Variants in RAP1A observed in about 807,000 individuals in gnomAD.
RAP1A encodes ras-related protein Rap-1A.
A neutral mutation model predicts 26.4 loss-of-function variants in RAP1A; 6 were observed. The ratio of observed to expected loss-of-function variants is 0.23; its 90% CI spans 0.12 to 0.45. The LOEUF is 0.45. Among genes scored for constraint, RAP1A ranks in the 20% least tolerant of loss-of-function variants. The pLI is 0.99. For synonymous variants in RAP1A, 73 were observed against 79.4 expected, an observed-to-expected ratio of 0.92 and a Z score of 0.43; for missense variants, 121 against 217.2, an observed-to-expected ratio of 0.56 and a Z score of 2.78.
intron 1 of RAP1A, among the ~76,000 whole-genome samples, chr1:111,631,587 C>T (rs1251088681): frequency 6.6e-6 from 1 of 152,060 alleles, no homozygotes; most frequent in Non-Finnish European, 1.5e-5. Flanking sequence ...AGTAAACTTC[C>T]AGAAGAAGGG....
At position 111,638,572 on chromosome 1, in the gene RAP1A, A is replaced by G. The variant is rs551983867; in HGVS notation, c.-28+18638A>G. Among the ~76,000 whole-genome samples the G allele has an allele frequency of 1.9e-3, 282 of 152,232 alleles. 3 individuals are homozygous for G. Among genetic ancestry groups the G allele is most frequent in the Middle Eastern group, 3.4e-3 (1 of 294 alleles). On this transcript the variant is annotated intron_variant, in intron 1 of 7. Coordinates refer to ENST00000369709, the MANE Select transcript of RAP1A (RefSeq NM_002884.4). ...CCTGAGTAGCTGGGACTACAGGCGCATGCCAACATGCCTGGCTAACTTTTT... is the reference window on the plus strand; with the variant it reads ...CCTGAGTAGCTGGGACTACAGGCGCGTGCCAACATGCCTGGCTAACTTTTT...
intron 3 of RAP1A, among the ~76,000 whole-genome samples, chr1:111,695,886 C>A (rs1428615722): frequency 6.6e-6 from 1 of 152,048 alleles, no homozygotes; most frequent in Non-Finnish European, 1.5e-5. Context: ...TAGAATGTAC[C>A]ATGCCAAAAG....
intron 1 of RAP1A, among the ~76,000 whole-genome samples, chr1:111,559,301 A>G (rs973034030): frequency 3.3e-5 from 5 of 152,204 alleles, no homozygotes; most frequent in African/African-American, 1.2e-4. Flanking sequence ...ACAGATTCAA[A>G]GAATTGGAAG....
At chr1:111,584,434 A>G (rs1246963420) in intron 1 of RAP1A, among the ~76,000 whole-genome samples, 3 of 152,166 alleles carry the variant, frequency 2.0e-5, no homozygotes, top group Non-Finnish European at 2.9e-5. Flanking sequence ...CCGGTTCTTC[A>G]TAGATGGTGC....
At chr1:111,616,415 C>T (rs1659015638), upstream of RAP1A, among the ~76,000 whole-genome samples, 1 of 152,216 alleles carries the variant, frequency 6.6e-6, no homozygotes, top group South Asian at 2.1e-4. Flanking sequence ...GTTTCCTTAG[C>T]TCCTTGGAGC....
In RAP1A at chr1:111,626,370, TACACAC is replaced by T. The variant is rs3084315; in HGVS notation, c.-28+6462_-28+6467del. On this transcript the variant is annotated intron_variant, in intron 1 of 7. Transcript: ENST00000369709. ...AATAGCTTTTCTGCATATGTATACA[TACACAC>T]ACACACACACACACACACACACACA... Among the ~76,000 whole-genome samples the T allele has an allele frequency of 3.2e-3, 471 of 149,160 alleles. 3 individuals carry two copies. Among genetic ancestry groups the T allele is most frequent in the African/African-American group, 8.8e-3 (355 of 40,400 alleles).
chr1:111,710,968 A>G (rs960379689), intron 7 of RAP1A, among the ~76,000 whole-genome samples: 3 of 152,022 alleles, frequency 2.0e-5, no homozygotes, highest in Admixed American at 1.3e-4. Flanking sequence ...AGTAGCTGGG[A>G]CTTCAGGTGT....
chr1:111,650,834 C>T (rs979580343), intron 1 of RAP1A, among the ~76,000 whole-genome samples: 8 of 151,714 alleles, frequency 5.3e-5, no homozygotes, highest in Admixed American at 3.3e-4. Flanking sequence ...CTTGCTCTGT[C>T]GCCCAGGCTG....
chr1:111,561,909 C>T (rs1255591100), intron 1 of RAP1A, among the ~76,000 whole-genome samples: 1 of 152,142 alleles, frequency 6.6e-6, no homozygotes, highest in East Asian at 1.9e-4. Flanking sequence ...CTCCCCATCT[C>T]CTCCTTGCCC....
At chr1:111,706,143 T>G (rs561744372) in intron 6 of RAP1A, among the ~76,000 whole-genome samples, 1 of 152,250 alleles carries the variant, frequency 6.6e-6, no homozygotes, top group South Asian at 2.1e-4. Flanking sequence ...TAAAATGAAA[T>G]GCATTAGCCA....
At chr1:111,552,944 T>C (rs1657328815) in intron 1 of RAP1A, among the ~76,000 whole-genome samples, 1 of 152,238 alleles carries the variant, frequency 6.6e-6, no homozygotes, top group Non-Finnish European at 1.5e-5. Flanking sequence ...TAAAGCTAAA[T>C]TTATTAAGAT....
chr1:111,611,954 C>A (rs1213605048), intron 1 of RAP1A, among the ~76,000 whole-genome samples: 2 of 151,404 alleles, frequency 1.3e-5, no homozygotes, highest in African/African-American at 4.9e-5. Context: ...ATTCTGCCTT[C>A]TGTAAATTCA....
At chr1:111,688,299 G>GTGTGTATGTGTATA (rs149961847) in intron 1 of RAP1A, among the ~76,000 whole-genome samples, 1 of 140,682 alleles carries the variant, frequency 7.1e-6, no homozygotes, top group African/African-American at 2.7e-5. Context: ...GTGTGTGTGT[G>GTGTGTATGTGTATA]TATATATATT....
chr1:111,614,904 T>G (rs1205097766), upstream of RAP1A, among the ~76,000 whole-genome samples: 1 of 152,192 alleles, frequency 6.6e-6, no homozygotes, highest in Non-Finnish European at 1.5e-5. Flanking sequence ...CAAAATGCAC[T>G]ATAAAGCAGC....
chr1:111,632,318 A>G (rs993859779), intron 1 of RAP1A, among the ~76,000 whole-genome samples: 2 of 152,006 alleles, frequency 1.3e-5, no homozygotes, highest in African/African-American at 4.8e-5. Context: ...AATCCTTCAA[A>G]TTAATTAATA....
At chr1:111,655,848 G>GTT (rs1165025753) in intron 1 of RAP1A, among the ~76,000 whole-genome samples, 1 of 151,016 alleles carries the variant, frequency 6.6e-6, no homozygotes, top group Non-Finnish European at 1.5e-5. Flanking sequence ...TAATTTTTTT[G>GTT]TTTGTTTTTT....
At chr1:111,681,701 T>G (rs1661300695) in intron 1 of RAP1A, among the ~76,000 whole-genome samples, 2 of 152,102 alleles carry the variant, frequency 1.3e-5, no homozygotes, top group African/African-American at 2.4e-5. Context: ...TGGGACTATG[T>G]GAAAAGACCA....
intron 6 of RAP1A, among the ~76,000 whole-genome samples, chr1:111,705,787 G>T (rs1302678340): frequency 6.6e-6 from 1 of 152,178 alleles, no homozygotes; most frequent in African/African-American, 2.4e-5. Context: ...TAGAAATTGT[G>T]AATATGTTTG....
In RAP1A at chr1:111,703,470, G is replaced by A. The variant is rs757301118; in HGVS notation, c.318G>A (p.Thr106=). Reference sequence around the variant, plus strand: ...AACAGATTTTACGGGTTAAGGACACGGAAGATGTAAGTATTTTTTCTCTCT... The same window carrying A: ...AACAGATTTTACGGGTTAAGGACACAGAAGATGTAAGTATTTTTTCTCTCT... The part of the protein sequence containing the change: ...LREQILRVKD[T]EDVPMILVGN... Residue 106 remains threonine (T), a synonymous_variant, in exon 5 of 8, where the codon ACG becomes ACA. Transcript: ENST00000369709. 3.8e-6 allele frequency: 6 copies of A among 1,582,960 alleles called. No individual in the cohort carries two copies. Among genetic ancestry groups the A allele is most frequent in the African/African-American group, 2.7e-5 (2 of 73,262 alleles).
Sources: gnomAD v4.1 joint callset for allele counts (sites outside exome capture counted in the v4.1 genomes callset) on GRCh38, gnomAD v4.1.1 for gene constraint, MANE v1.5 for transcripts, NCBI Gene and HGNC (gene_info 2026-07-23, HGNC 2026-07-21) for gene names.